DPP6: variants seen among roughly 807,000 people sequenced by gnomAD.
DPP6 encodes the protein A-type potassium channel modulatory protein DPP6.
A neutral mutation model predicts 122.6 loss-of-function variants in DPP6; 69 were observed. That is an observed-to-expected ratio of 0.56 (90% CI 0.46 to 0.69). The LOEUF is 0.69. Among genes scored for constraint, DPP6 ranks in the 30% least tolerant of loss-of-function variants. DPP6 has a pLI of 0.00. For missense variants in DPP6, 928 were observed against 1,116.9 expected, an observed-to-expected ratio of 0.83 and a Z score of 2.41; for synonymous variants, 418 against 433.1, an observed-to-expected ratio of 0.97 and a Z score of 0.43.
At chr7:153,871,971 G>A in the DPP6 span, among the ~76,000 whole-genome samples, 51 of 152,282 alleles carry the variant, frequency 3.3e-4, no homozygotes, top group African/African-American at 8.2e-4. Context: ...CAAAATCATC[G>A]TCACAATTTT....
chr7:153,987,725 G>A (rs1388861976), intron 1 of DPP6, among the ~76,000 whole-genome samples: 2 of 152,086 alleles, frequency 1.3e-5, no homozygotes, highest in Non-Finnish European at 2.9e-5. Flanking sequence ...AGCTGGGGAG[G>A]ACTTTCTCCA....
intron 1 of DPP6, among the ~76,000 whole-genome samples, chr7:154,406,445 A>ACG (rs763079522): frequency 0.088 from 13,059 of 147,650 alleles, 612 homozygotes; most frequent in East Asian, 0.13. Flanking sequence ...ACACACACAC[A>ACG]CACGCACACA....
intron 3 of DPP6, among the ~76,000 whole-genome samples, chr7:154,484,540 G>T (rs1258298817): frequency 1.3e-5 from 2 of 152,212 alleles, no homozygotes; most frequent in Non-Finnish European, 2.9e-5. Context: ...GACAGAAGCT[G>T]CTCGCTGGGC....
chr7:153,946,744 A>C (rs966664374), intron 1 of DPP6, among the ~76,000 whole-genome samples: 3 of 152,104 alleles, frequency 2.0e-5, no homozygotes, highest in Non-Finnish European at 4.4e-5. Context: ...ATAAGTGGGA[A>C]GTAATTGATA....
intron 2 of DPP6, among the ~76,000 whole-genome samples, chr7:154,449,451 A>G (rs1820161772): frequency 6.6e-6 from 1 of 152,172 alleles, no homozygotes. Context: ...TATTCCCAGG[A>G]TATAGAGAAA....
chr7:154,477,642 G>A (rs954492465), intron 3 of DPP6, among the ~76,000 whole-genome samples: 1 of 152,168 alleles, frequency 6.6e-6, no homozygotes, highest in Non-Finnish European at 1.5e-5. Context: ...GCAAATGAAT[G>A]GAGTCTGCCC....
chr7:154,432,677 T>C (rs577608809), intron 1 of DPP6, among the ~76,000 whole-genome samples: 153 of 152,338 alleles, frequency 1.0e-3, no homozygotes, highest in South Asian at 1.9e-3. Flanking sequence ...TACCAGTTTA[T>C]TTATTCATTA....
chr7:154,844,534 T>C (rs1296601221), intron 16 of DPP6, among the ~76,000 whole-genome samples: 1 of 152,240 alleles, frequency 6.6e-6, no homozygotes, highest in Non-Finnish European at 1.5e-5. Flanking sequence ...TTTAGAGAAA[T>C]TGTATTTTGA....
intron 1 of DPP6, among the ~76,000 whole-genome samples, chr7:154,290,609 G>A (rs1003422102): frequency 4.0e-5 from 6 of 148,728 alleles, no homozygotes; most frequent in Admixed American, 2.0e-4. Flanking sequence ...ACCATTGAAC[G>A]CACTGTAGCC....
chr7:153,844,588 T>A, the DPP6 span, among the ~76,000 whole-genome samples: 1 of 152,220 alleles, frequency 6.6e-6, no homozygotes, highest in Non-Finnish European at 1.5e-5. Flanking sequence ...CTTTTCTTTT[T>A]CTGATATTTT....
At chr7:154,892,301 T>C (rs1255132475) in intron 25 of DPP6, 33 bp from the exon 26 acceptor site, 3 of 1,613,900 alleles carry the variant, frequency 1.9e-6, no homozygotes, top group South Asian at 2.2e-5. Flanking sequence ...AGCGTATACC[T>C]GGGAGAGTAA....
intron 1 of DPP6, among the ~76,000 whole-genome samples, chr7:154,442,251 G>GC (rs11350702): frequency 5.3e-5 from 8 of 152,026 alleles, no homozygotes; most frequent in Non-Finnish European, 1.0e-4. Context: ...TAAGTAGTTT[G>GC]CCCCCCTGGT....
At chr7:154,034,374 C>G (rs1474968201) in intron 1 of DPP6, among the ~76,000 whole-genome samples, 3 of 152,192 alleles carry the variant, frequency 2.0e-5, no homozygotes, top group Non-Finnish European at 4.4e-5. Context: ...CAAGTTCACA[C>G]AGAGGATGTG....
chr7:153,968,613 G>A (rs1795871009), intron 1 of DPP6: 1 of 151,522 alleles, frequency 6.6e-6, no homozygotes, highest in South Asian at 2.1e-4. Flanking sequence ...CGTCTACCCT[G>A]TCCCCTAGCT....
At chr7:153,790,221 A>G in the DPP6 span, among the ~76,000 whole-genome samples, 1 of 152,116 alleles carries the variant, frequency 6.6e-6, no homozygotes, top group Non-Finnish European at 1.5e-5. Flanking sequence ...GAGACAATAT[A>G]TAATCTTCAA....
Position 154,353,128 on chromosome 7 carries a change from G to A in DPP6, c.244-93086G>A, listed in dbSNP as rs963885915. Among the ~76,000 whole-genome samples the A allele has an allele frequency of 4.3e-4, 66 of 152,204 alleles. 1 individual carries two copies. The highest frequency in any genetic ancestry group is 4.2e-3 in the Admixed American group (64 of 15,274). On this transcript the variant is annotated intron_variant, in intron 1 of 25. Transcript: ENST00000377770. ...TCCTAGGGCCCAGCCCAGATGCACT[G>A]AATCAGACCTGTATTTTAACAGGTC...
intron 1 of DPP6, among the ~76,000 whole-genome samples, chr7:154,227,425 T>C (rs1168850548): frequency 6.6e-6 from 1 of 152,134 alleles, no homozygotes; most frequent in Non-Finnish European, 1.5e-5. Flanking sequence ...GGAGTTGCTC[T>C]TCAGTGGGCT....
intron 5 of DPP6, among the ~76,000 whole-genome samples, chr7:154,611,871 G>A (rs1378849998): frequency 6.6e-6 from 1 of 150,634 alleles, no homozygotes; most frequent in Non-Finnish European, 1.5e-5. Flanking sequence ...GTGTGTGTGT[G>A]TGTGTGTGGT....
intron 1 of DPP6, among the ~76,000 whole-genome samples, chr7:153,921,563 G>A (rs1800640905): frequency 6.6e-6 from 1 of 152,154 alleles, no homozygotes; most frequent in Admixed American, 6.5e-5. Flanking sequence ...AGTGTGTGAC[G>A]TGTCTGCCCA....
Sources: gnomAD v4.1 joint callset for allele counts (sites outside exome capture counted in the v4.1 genomes callset) on GRCh38, gnomAD v4.1.1 for gene constraint, MANE v1.5 for transcripts, NCBI Gene and HGNC (gene_info 2026-07-23, HGNC 2026-07-21) for gene names.